Variants in FGGY observed in about 807,000 individuals in gnomAD.
The protein encoded by FGGY is FGGY carbohydrate kinase domain-containing protein.
In FGGY, 72 loss-of-function variants were observed where a neutral mutation model predicts 71.3. That is an observed-to-expected ratio of 1.01 (90% CI 0.84 to 1.23). The LOEUF (loss-of-function observed/expected upper bound fraction) is 1.23, where lower values mean the gene tolerates loss of function less well. Among genes scored for constraint, FGGY ranks in the 50% most tolerant of loss-of-function variants. The probability of loss-of-function intolerance (pLI) is 0.00; values close to 1 mark genes in which losing one functional copy is unlikely to be tolerated. For missense variants in FGGY, 668 were observed against 682.3 expected (o/e 0.98, Z 0.23); for synonymous variants, 251 against 250.3 (o/e 1.00, Z -0.02).
chr1:59,381,011 G>A (rs945506310), intron 5 of FGGY, among the ~76,000 whole-genome samples: 4 of 152,106 alleles, frequency 2.6e-5, no homozygotes, highest in Non-Finnish European at 4.4e-5. Flanking sequence ...TCTCCATATG[G>A]CTAGCCAGTT....
chr1:59,614,463 A>T (rs867603779), intron 9 of FGGY, among the ~76,000 whole-genome samples: 48 of 152,200 alleles, frequency 3.2e-4, no homozygotes, highest in African/African-American at 1.1e-3. Flanking sequence ...TCATGCTAAA[A>T]ACTCTCAATA....
At chr1:59,445,748 G>C (rs145646326) in intron 5 of FGGY, among the ~76,000 whole-genome samples, 1 of 152,180 alleles carries the variant, frequency 6.6e-6, no homozygotes, top group Non-Finnish European at 1.5e-5. Flanking sequence ...AAAAAAAGGA[G>C]ATAACAGACA....
At chr1:59,389,540 C>T (rs564128199) in intron 5 of FGGY, among the ~76,000 whole-genome samples, 14 of 152,182 alleles carry the variant, frequency 9.2e-5, no homozygotes, top group East Asian at 1.9e-4. Flanking sequence ...GATGCTGTGG[C>T]GAACATTGGT....
chr1:59,409,260 GA>G (rs2063221929), intron 5 of FGGY, among the ~76,000 whole-genome samples: 1 of 152,176 alleles, frequency 6.6e-6, no homozygotes, highest in African/African-American at 2.4e-5. Context: ...GCTTGGAGGG[GA>G]GTGTGGATTT....
At chr1:59,413,382 A>T (rs1442396262) in intron 5 of FGGY, among the ~76,000 whole-genome samples, 10 of 152,206 alleles carry the variant, frequency 6.6e-5, no homozygotes, top group African/African-American at 2.2e-4. Flanking sequence ...GGATGAGTAC[A>T]TGGGAGAAAG....
intron 8 of FGGY, among the ~76,000 whole-genome samples, chr1:59,599,817 T>A (rs906023483): frequency 6.6e-6 from 1 of 151,972 alleles, no homozygotes. Context: ...CAAGGGGAAT[T>A]TCAGGTTCAC....
At chr1:59,370,839 T>C (rs1001052583) in intron 4 of FGGY, among the ~76,000 whole-genome samples, 3 of 151,836 alleles carry the variant, frequency 2.0e-5, no homozygotes, top group Non-Finnish European at 4.4e-5. Context: ...TAAAATACTT[T>C]ACAGACAAGC....
chr1:59,722,238 C>T (rs191611418), intron 14 of FGGY, among the ~76,000 whole-genome samples: 5 of 151,696 alleles, frequency 3.3e-5, no homozygotes, highest in African/African-American at 1.2e-4. Context: ...GTACCATTCT[C>T]ATCATATCAT....
At chr1:59,403,397 A>G (rs1277925702) in intron 5 of FGGY, among the ~76,000 whole-genome samples, 1 of 152,192 alleles carries the variant, frequency 6.6e-6, no homozygotes, top group East Asian at 1.9e-4. Flanking sequence ...TTTAGGGGAC[A>G]CTGAGCAGAA....
intron 2 of FGGY, among the ~76,000 whole-genome samples, chr1:59,327,700 A>C (rs2047686786): frequency 6.6e-6 from 1 of 152,222 alleles, no homozygotes; most frequent in Non-Finnish European, 1.5e-5. Context: ...TATCTATGGC[A>C]GCTATATCCT....
intron 2 of FGGY, among the ~76,000 whole-genome samples, chr1:59,325,652 C>T (rs2047303271): frequency 6.6e-6 from 1 of 152,176 alleles, no homozygotes; most frequent in Non-Finnish European, 1.5e-5. Context: ...TTGCCTGGCA[C>T]AAATTAGGTG....
At chr1:59,475,972 C>G (rs948076102) in intron 6 of FGGY, among the ~76,000 whole-genome samples, 1 of 152,202 alleles carries the variant, frequency 6.6e-6, no homozygotes, top group African/African-American at 2.4e-5. Flanking sequence ...CAAAGTCTTG[C>G]GTGATCTCTG....
At position 59,757,885 on chromosome 1, in the gene FGGY, ATTTCGC is replaced by A. The variant is rs755134742; in HGVS notation, c.1513-41_1513-36del. ...TTGCCTGTGACAAGCCTCGCTTTGG[ATTTCGC>A]TTTCCAACTCAGCTGTCTATGTTGT... On this transcript the variant is annotated intron_variant, in intron 14 of 15. Transcript: ENST00000303721. The A allele has an allele frequency of 1.1e-3, 1,622 of 1,438,710 alleles. 4 individuals are homozygous for A. Among genetic ancestry groups the A allele is most frequent in the Non-Finnish European group, 1.1e-3 (1,165 of 1,026,288 alleles). 89.1% of individuals were successfully genotyped at this position (1,438,710 alleles called of 1,614,324 possible).
chr1:59,754,447 G>T (rs984456807), intron 14 of FGGY, among the ~76,000 whole-genome samples: 2 of 151,774 alleles, frequency 1.3e-5, no homozygotes, highest in African/African-American at 4.8e-5. Context: ...ATAGAGTCTT[G>T]CTCTGTCTCC....
intron 4 of FGGY, among the ~76,000 whole-genome samples, chr1:59,363,625 C>T (rs528559471): frequency 9.9e-5 from 15 of 152,250 alleles, no homozygotes; most frequent in African/African-American, 3.6e-4. Flanking sequence ...AGGCCCTCTA[C>T]ATAGAGTAGC....
At chr1:59,466,558 G>C (rs1238637550) in intron 6 of FGGY, among the ~76,000 whole-genome samples, 1 of 152,272 alleles carries the variant, frequency 6.6e-6, no homozygotes, top group Admixed American at 6.5e-5. Flanking sequence ...TACCATCAGA[G>C]TGAACAGGCA....
chr1:59,673,005 G>A (rs1006181378), intron 13 of FGGY, among the ~76,000 whole-genome samples: 6 of 152,026 alleles, frequency 3.9e-5, no homozygotes, highest in East Asian at 1.9e-4. Context: ...CATCTCCACC[G>A]TAATCTGTGA....
At chr1:59,361,421 GT>G (rs2055493149) in intron 4 of FGGY, among the ~76,000 whole-genome samples, 1 of 152,138 alleles carries the variant, frequency 6.6e-6, no homozygotes, top group Non-Finnish European at 1.5e-5. Context: ...TATGTAGGTT[GT>G]GGGCCAGTGG....
chr1:59,329,199 C>G (rs369808828), intron 2 of FGGY, among the ~76,000 whole-genome samples: 229 of 152,236 alleles, frequency 1.5e-3, no homozygotes, highest in African/African-American at 4.2e-3. Flanking sequence ...ACCACTGCCA[C>G]AAAGCAAATA....
Sources: gnomAD v4.1 joint callset for allele counts (sites outside exome capture counted in the v4.1 genomes callset) on GRCh38, gnomAD v4.1.1 for gene constraint, MANE v1.5 for transcripts, NCBI Gene and HGNC (gene_info 2026-07-23, HGNC 2026-07-21) for gene names.